MYO16: variants seen among roughly 807,000 people sequenced by gnomAD.
MYO16 encodes unconventional myosin-XVI.
MYO16 carries 94 observed loss-of-function variants against 205.3 expected under a neutral mutation model. The ratio of observed to expected loss-of-function variants is 0.46; its 90% CI spans 0.39 to 0.54. The LOEUF (loss-of-function observed/expected upper bound fraction) is 0.54, where lower values mean the gene tolerates loss of function less well. MYO16 is among the 20% of genes least tolerant of loss of function. The probability of loss-of-function intolerance (pLI) is 0.00; values close to 1 mark genes in which losing one functional copy is unlikely to be tolerated. For missense variants in MYO16, 2,315 were observed against 2,387.5 expected (o/e 0.97, Z 0.63); for synonymous variants, 988 against 954.0 (o/e 1.04, Z -0.66).
At chr13:108,770,306 T>C (rs1885919843) in intron 4 of MYO16, among the ~76,000 whole-genome samples, 1 of 152,238 alleles carries the variant, frequency 6.6e-6, no homozygotes, top group Non-Finnish European at 1.5e-5. Flanking sequence ...TGTTTTATTT[T>C]ATTTTTACTG....
chr13:109,176,499 GT>G (rs1879184770), intron 33 of MYO16, among the ~76,000 whole-genome samples: 1 of 131,934 alleles, frequency 7.6e-6, no homozygotes, highest in Non-Finnish European at 1.6e-5. Context: ...TGGTTTGTGC[GT>G]TTGGTGTCAT....
In MYO16 at chr13:108,964,897, G is replaced by A. The variant is rs146505407; in HGVS notation, c.2364G>A (p.Gln788=). 8.2e-5 allele frequency: 132 copies of A among 1,612,292 alleles called. No homozygotes were observed. The highest frequency in any genetic ancestry group is 1.0e-4 in the Non-Finnish European group (123 of 1,179,088). Residue 788 remains glutamine, a synonymous_variant, in exon 20 of 35, where the codon CAG becomes CAA. Transcript: ENST00000457511. The part of the protein sequence containing the change: ...MNSCLHSQDE[Q]KSMQTLDIGI... ...CTTGCCTCCACAGTCAAGATGAACAGAAAAGGTAGGAGTTGATGGATGTTC... is the reference window on the plus strand; with the variant it reads ...CTTGCCTCCACAGTCAAGATGAACAAAAAAGGTAGGAGTTGATGGATGTTC...
intron 1 of MYO16, among the ~76,000 whole-genome samples, chr13:108,605,986 C>A (rs1878944227): frequency 6.6e-6 from 1 of 152,142 alleles, no homozygotes; most frequent in Non-Finnish European, 1.5e-5. Context: ...GTCTTAGATG[C>A]AGATGAGGAA....
the MYO16 span, among the ~76,000 whole-genome samples, chr13:108,579,607 A>C: frequency 1.3e-5 from 2 of 151,852 alleles, no homozygotes; most frequent in African/African-American, 4.8e-5. Context: ...CATCCGGCTA[A>C]TTTTTGTATT....
intron 4 of MYO16, among the ~76,000 whole-genome samples, chr13:108,760,723 G>A (rs570646309): frequency 4.6e-5 from 7 of 152,314 alleles, no homozygotes; most frequent in Non-Finnish European, 8.8e-5. Context: ...CAGTAGATTG[G>A]TGGTTCACAG....
At chr13:108,808,002 C>T (rs1887166713) in intron 7 of MYO16, among the ~76,000 whole-genome samples, 1 of 152,082 alleles carries the variant, frequency 6.6e-6, no homozygotes, top group African/African-American at 2.4e-5. Context: ...TTGAGGGTGA[C>T]TAAATGAAAT....
intron 29 of MYO16, among the ~76,000 whole-genome samples, chr13:109,120,724 C>T (rs925439251): frequency 6.6e-6 from 1 of 152,138 alleles, no homozygotes; most frequent in Non-Finnish European, 1.5e-5. Context: ...CTGTGGGGCT[C>T]ATTTGGATAT....
the MYO16 span, among the ~76,000 whole-genome samples, chr13:108,571,940 A>T: frequency 4.9e-5 from 7 of 141,766 alleles, no homozygotes; most frequent in South Asian, 2.4e-4. Context: ...TTTTTTTTTT[A>T]AACAGGGTCT....
chr13:109,109,698 T>C (rs1472002419), intron 28 of MYO16, among the ~76,000 whole-genome samples: 1 of 152,204 alleles, frequency 6.6e-6, no homozygotes, highest in Non-Finnish European at 1.5e-5. Flanking sequence ...AGGAATATAC[T>C]CAAGCTCTTT....
In MYO16 at chr13:109,162,450, G is replaced by A. The variant is rs546850576; in HGVS notation, c.5165-2451G>A. Among the ~76,000 whole-genome samples, 4 of 152,256 alleles carry A rather than the reference G, an allele frequency of 2.6e-5. No homozygotes were observed. The highest frequency in any genetic ancestry group is 9.6e-5 in the African/African-American group (4 of 41,556). ...AACATGGTGAGCTCTTTCCTGCTTT[G>A]GGGTATTTACACATGGTGTGGAGGT... On this transcript the variant is annotated intron_variant, in intron 32 of 34. Coordinates refer to ENST00000457511, the MANE Select transcript of MYO16 (RefSeq NM_001198950.3). This position sits in a 1 kb window ranked among gnomAD's most constrained non-coding sequence, Gnocchi z 4.6.
chr13:108,987,739 TC>T, intron 20 of MYO16, among the ~76,000 whole-genome samples: 1 of 152,184 alleles, frequency 6.6e-6, no homozygotes, highest in Non-Finnish European at 1.5e-5. Flanking sequence ...TTAAGCTACT[TC>T]CTAAACTGAC....
chr13:109,063,496 A>T (rs1051287931), intron 27 of MYO16, among the ~76,000 whole-genome samples: 1 of 152,138 alleles, frequency 6.6e-6, no homozygotes, highest in Non-Finnish European at 1.5e-5. Context: ...TTCATATGTG[A>T]CTTCATTTGG....
intron 4 of MYO16, among the ~76,000 whole-genome samples, chr13:108,751,687 G>T (rs927184775): frequency 1.2e-4 from 18 of 152,038 alleles, no homozygotes; most frequent in Admixed American, 2.6e-4. Flanking sequence ...AAGCCATACC[G>T]ATATTACACA....
chr13:108,595,499 C>T (rs143566999), upstream of MYO16, among the ~76,000 whole-genome samples: 33 of 152,268 alleles, frequency 2.2e-4, no homozygotes, highest in Middle Eastern at 3.4e-3. Context: ...GATTAACTAG[C>T]GCAGTGAAGG....
intron 12 of MYO16, among the ~76,000 whole-genome samples, chr13:108,878,972 A>G (rs767174867): frequency 7.9e-5 from 12 of 152,222 alleles, no homozygotes; most frequent in Non-Finnish European, 1.2e-4. Flanking sequence ...TAGTCTTTGC[A>G]CCAGCACCAC....
intron 1 of MYO16, among the ~76,000 whole-genome samples, chr13:108,665,182 C>A (rs1346592516): frequency 6.6e-6 from 1 of 152,164 alleles, no homozygotes; most frequent in Non-Finnish European, 1.5e-5. Context: ...AACTCCTGGG[C>A]TTATGCGATC....
intron 6 of MYO16, among the ~76,000 whole-genome samples, chr13:108,799,830 T>A (rs1465182004): frequency 6.6e-6 from 1 of 152,114 alleles, no homozygotes; most frequent in African/African-American, 2.4e-5. Context: ...CTTTTCTTCA[T>A]CCATCATTCC....
intron 4 of MYO16, among the ~76,000 whole-genome samples, chr13:108,755,408 A>G (rs1375983448): frequency 6.6e-6 from 1 of 152,166 alleles, no homozygotes; most frequent in Non-Finnish European, 1.5e-5. Context: ...TTTTTATGAG[A>G]TAATTCTCAA....
intron 3 of MYO16, among the ~76,000 whole-genome samples, chr13:108,717,500 G>A (rs1883991504): frequency 6.6e-6 from 1 of 151,598 alleles, no homozygotes; most frequent in Non-Finnish European, 1.5e-5. Context: ...CGTGGTGGTG[G>A]GCGCCTGTAA....
Sources: gnomAD v4.1 joint callset for allele counts (sites outside exome capture counted in the v4.1 genomes callset) on GRCh38, gnomAD v4.1.1 for gene constraint, Gnocchi (gnomAD v3.1) non-coding constraint, MANE v1.5 for transcripts, NCBI Gene and HGNC (gene_info 2026-07-23, HGNC 2026-07-21) for gene names.